Variants in ATAD2B observed in about 807,000 individuals in gnomAD.
ATAD2B encodes ATPase family AAA domain containing 2B.
Under a neutral mutation model 167.6 loss-of-function variants are expected in ATAD2B, and 40 were observed. The ratio of observed to expected loss-of-function variants is 0.24; its 90% confidence interval spans 0.19 to 0.31. The LOEUF is 0.31. ATAD2B is among the 10% of genes least tolerant of loss of function. The probability of loss-of-function intolerance (pLI) is 1.00; values close to 1 mark genes in which losing one functional copy is unlikely to be tolerated. For synonymous variants in ATAD2B, 579 were observed against 596.5 expected (o/e 0.97, Z 0.43); for missense variants, 1,242 against 1,757.2 (o/e 0.71, Z 5.24).
intron 8 of ATAD2B, chr2:23,872,231 C>A (rs1696099597): frequency 7.7e-6 from 3 of 389,682 alleles, no homozygotes; most frequent in Non-Finnish European, 1.5e-5. Context: ...TCAACCCAGG[C>A]TGGAGTGAAG....
intron 4 of ATAD2B, among the ~76,000 whole-genome samples, chr2:23,886,860 G>A (rs769723815): frequency 2.0e-5 from 3 of 151,446 alleles, no homozygotes; most frequent in Non-Finnish European, 4.4e-5. Flanking sequence ...GAACTGAGGA[G>A]GCAGAGCTTG....
intron 7 of ATAD2B, among the ~76,000 whole-genome samples, chr2:23,876,378 T>G (rs1436564813): frequency 6.6e-6 from 1 of 151,554 alleles, no homozygotes; most frequent in African/African-American, 2.4e-5. Context: ...CTCGGCTCAC[T>G]GCAAACTCTG....
At chr2:23,724,714 T>C in the ATAD2B span, among the ~76,000 whole-genome samples, 1 of 151,818 alleles carries the variant, frequency 6.6e-6, no homozygotes, top group Non-Finnish European at 1.5e-5. Flanking sequence ...CATAATCAAG[T>C]GGCCAAATAT....
At chr2:23,721,481 C>T in the ATAD2B span, among the ~76,000 whole-genome samples, 4 of 152,158 alleles carry the variant, frequency 2.6e-5, no homozygotes, top group African/African-American at 9.7e-5. Flanking sequence ...ATGGGTCACC[C>T]CCTGCAGACA....
At chr2:23,739,894 A>C in the ATAD2B span, among the ~76,000 whole-genome samples, 1 of 152,232 alleles carries the variant, frequency 6.6e-6, no homozygotes, top group Non-Finnish European at 1.5e-5. Context: ...ACAGAAATAC[A>C]AACTACCATC....
chr2:23,884,653 T>C lies in ATAD2B; in HGVS notation c.784+112A>G, dbSNP rs1698427106. ...TATTTCAAATTATACAATATAGACCTCAAAATCCAAAAACCAACTACTCAG... is the reference window on the plus strand; with the variant it reads ...TATTTCAAATTATACAATATAGACCCCAAAATCCAAAAACCAACTACTCAG... On this transcript the variant is annotated intron_variant, in intron 6 of 27. Coordinates refer to ENST00000238789, the MANE Select transcript of ATAD2B (RefSeq NM_017552.4). 8 of 538,524 alleles carry C rather than the reference T, an allele frequency of 1.5e-5. No individual in the cohort carries two copies. In the Admixed American group the frequency reaches 1.9e-4, roughly 13 times the overall value. The allele number at this position is 538,524 out of a possible 1,614,324, so 33.4% of individuals were successfully genotyped here.
intron 4 of ATAD2B, 45 bp from the exon 5 acceptor site, chr2:23,885,874 A>G (rs1406243926): frequency 8.7e-7 from 1 of 1,148,502 alleles, no homozygotes; most frequent in South Asian, 1.4e-5. Flanking sequence ...TGGTGGCACC[A>G]TATACATAAA....
chr2:23,850,615 A>T (rs1042310898), intron 13 of ATAD2B, among the ~76,000 whole-genome samples: 1 of 152,194 alleles, frequency 6.6e-6, no homozygotes, highest in Non-Finnish European at 1.5e-5. Context: ...AATTATGGAG[A>T]TAGTAAAAAG....
chr2:23,689,074 G>C, the ATAD2B span: 1 of 152,426 alleles, frequency 6.6e-6, no homozygotes, highest in South Asian at 2.1e-4. Context: ...GATGAGAACC[G>C]TGTGTGTTGG....
At chr2:23,921,475 T>C (rs1703924341) in intron 1 of ATAD2B, among the ~76,000 whole-genome samples, 2 of 152,140 alleles carry the variant, frequency 1.3e-5, no homozygotes, top group Non-Finnish European at 2.9e-5. Context: ...AAGTTATGAG[T>C]TTACCTATAA....
At chr2:23,909,138 A>T (rs80182342) in intron 1 of ATAD2B, among the ~76,000 whole-genome samples, 1 of 116,960 alleles carries the variant, frequency 8.5e-6, no homozygotes, top group South Asian at 2.6e-4. Flanking sequence ...TAATAATAAT[A>T]AAAAAAAAAA....
At position 23,818,546 on chromosome 2, in the gene ATAD2B, T is replaced by C. The variant is rs979934752; in HGVS notation, c.2267+1201A>G. 4.6e-5 allele frequency among the ~76,000 whole-genome samples: 7 copies of C among 151,566 alleles called. No homozygotes were observed. The South Asian group carries it at 1.5e-3, about 32-fold the overall frequency. On this transcript the variant is annotated intron_variant, in intron 17 of 27. Transcript: ENST00000238789. ...AACATATGAAGAAAAAAAGAGGAGA[T>C]GAAAGTAATTTAGGCTCATTTTTAA...
At chr2:23,852,325 A>AT (rs1173449662) in intron 13 of ATAD2B, among the ~76,000 whole-genome samples, 1 of 151,922 alleles carries the variant, frequency 6.6e-6, no homozygotes, top group East Asian at 1.9e-4. Flanking sequence ...GGGTCTCACT[A>AT]TGTTGCCCAG....
At chr2:23,903,934 T>G (rs1701137882) in intron 1 of ATAD2B, among the ~76,000 whole-genome samples, 2 of 149,154 alleles carry the variant, frequency 1.3e-5, no homozygotes, top group South Asian at 4.3e-4. Context: ...AAGTGCCGGT[T>G]GTTGTTGGTG....
chr2:23,736,267 G>A, the ATAD2B span, among the ~76,000 whole-genome samples: 2 of 152,136 alleles, frequency 1.3e-5, no homozygotes, highest in Admixed American at 6.5e-5. Context: ...CTTCCCTTGG[G>A]TTGGTTTTAT....
chr2:23,853,280 G>T (rs532581011), intron 13 of ATAD2B, among the ~76,000 whole-genome samples: 4 of 152,184 alleles, frequency 2.6e-5, no homozygotes, highest in Admixed American at 2.6e-4. Context: ...AAAGGAAGAA[G>T]TAGAAGTACC....
At chr2:23,883,390 T>C (rs570618002) in intron 6 of ATAD2B, among the ~76,000 whole-genome samples, 14 of 151,286 alleles carry the variant, frequency 9.3e-5, no homozygotes, top group African/African-American at 3.1e-4. Flanking sequence ...AATCAACAAA[T>C]ACAGTATTTA....
the ATAD2B span, among the ~76,000 whole-genome samples, chr2:23,699,602 C>T: frequency 1.3e-5 from 2 of 152,222 alleles, no homozygotes; most frequent in South Asian, 4.1e-4. Flanking sequence ...TTGTCTGGCA[C>T]TCATGTTCTA....
chr2:23,690,554 G>C, the ATAD2B span: 8 of 152,372 alleles, frequency 5.3e-5, no homozygotes, highest in Admixed American at 3.9e-4. Flanking sequence ...CGAGTGAGTG[G>C]ACCACAGAGG....
Sources: gnomAD v4.1 joint callset for allele counts (sites outside exome capture counted in the v4.1 genomes callset) on GRCh38, gnomAD v4.1.1 for gene constraint, MANE v1.5 for transcripts, NCBI Gene and HGNC (gene_info 2026-07-23, HGNC 2026-07-21) for gene names.